Variants in TMPRSS15 observed in about 807,000 individuals in gnomAD.
The protein encoded by TMPRSS15 is transmembrane serine protease 15, also known as enteropeptidase.
Under a neutral mutation model 125.3 loss-of-function variants are expected in TMPRSS15, and 128 were observed. That is an observed-to-expected ratio of 1.02 (90% confidence interval 0.89 to 1.18). The LOEUF is 1.18. TMPRSS15 is among the 50% of genes most tolerant of loss of function. TMPRSS15 has a pLI of 0.00. For missense variants in TMPRSS15, 1,283 were observed against 1,212.7 expected, an observed-to-expected ratio of 1.06 and a Z score of -0.86; for synonymous variants, 446 against 423.2, an observed-to-expected ratio of 1.05 and a Z score of -0.66.
At chr21:18,374,298 C>A (rs2075819380) in intron 5 of TMPRSS15, among the ~76,000 whole-genome samples, 1 of 150,396 alleles carries the variant, frequency 6.6e-6, no homozygotes, top group African/African-American at 2.4e-5. Flanking sequence ...AAGGTGAAAC[C>A]CCGTCTCTAC....
intron 10 of TMPRSS15, among the ~76,000 whole-genome samples, chr21:18,351,709 T>C (rs1369300332): frequency 1.3e-5 from 2 of 152,190 alleles, no homozygotes; most frequent in African/African-American, 4.8e-5. Flanking sequence ...GGTATTTCTT[T>C]ATGGCAGTGT....
rs557838982 is a variant in TMPRSS15 at position 18,284,524 on chromosome 21, G to A, written c.2487-3303C>T. On this transcript the variant is annotated intron_variant, in intron 21 of 24. Transcript: ENST00000284885. ...TTATATACCCAAATCTGAGGGGCAG[G>A]TGAAGACAGCCTTCAGAAAAATCAT... Among the ~76,000 whole-genome samples, 547 of 152,296 alleles carry A rather than the reference G, an allele frequency of 3.6e-3. 9 individuals carry two copies. The highest frequency in any genetic ancestry group is 0.012 in the African/African-American group (517 of 41,558).
At chr21:18,389,060 A>C (rs1344629111) in intron 3 of TMPRSS15, among the ~76,000 whole-genome samples, 2 of 151,726 alleles carry the variant, frequency 1.3e-5, no homozygotes, top group Admixed American at 6.6e-5. Flanking sequence ...ATGATAGATA[A>C]GGAAATAAAG....
Position 18,315,223 on chromosome 21 carries a change from T to C in TMPRSS15, c.1955A>G (p.Asn652Ser). The C allele has an allele frequency of 6.2e-7, 1 of 1,613,800 alleles. No individual in the cohort carries two copies. The highest frequency in any genetic ancestry group is 8.5e-7 in the Non-Finnish European group (1 of 1,179,952). The change falls in exon 17 of 25, where the codon AAT becomes AGT. Residue 652 changes from asparagine to serine, a missense_variant. Coordinates refer to ENST00000284885, the MANE Select transcript of TMPRSS15 (RefSeq NM_002772.3). ...PCKADHFQCK[N>S]GECVPLVNLC... ...ATTCACCAGTGGAACACACTCTCCATTTTTACATTGAAAATGGTCTGCCTT... is the reference window on the plus strand; with the variant it reads ...ATTCACCAGTGGAACACACTCTCCACTTTTACATTGAAAATGGTCTGCCTT...
At chr21:18,334,827 A>C (rs2075376309) in intron 13 of TMPRSS15, among the ~76,000 whole-genome samples, 1 of 152,336 alleles carries the variant, frequency 6.6e-6, no homozygotes, top group African/African-American at 2.4e-5. Flanking sequence ...TCACACTGCC[A>C]TAGGCAGGGT....
At chr21:18,407,416 TG>T (rs2076154842), upstream of TMPRSS15, among the ~76,000 whole-genome samples, 2 of 151,256 alleles carry the variant, frequency 1.3e-5, no homozygotes, top group Admixed American at 1.3e-4. Context: ...AGAAACTTTA[TG>T]TGCTAAACTT....
chr21:18,424,547 C>A (rs1379863641), intron 1 of TMPRSS15, among the ~76,000 whole-genome samples: 1 of 152,154 alleles, frequency 6.6e-6, no homozygotes, highest in African/African-American at 2.4e-5. Context: ...TAAAAGCCAT[C>A]ATGTTGTTTT....
chr21:18,467,081 A>G (rs558142875), intron 1 of TMPRSS15, among the ~76,000 whole-genome samples: 1 of 152,298 alleles, frequency 6.6e-6, no homozygotes, highest in African/African-American at 2.4e-5. Flanking sequence ...ATGCAGCCAT[A>G]AAAAAGGATG....
At chr21:18,391,426 T>A (rs371557055) in intron 3 of TMPRSS15, among the ~76,000 whole-genome samples, 5 of 152,216 alleles carry the variant, frequency 3.3e-5, no homozygotes, top group African/African-American at 7.2e-5. Context: ...ACAGGCCCCA[T>A]GCAACTCCAA....
In TMPRSS15 at chr21:18,355,301, G is replaced by T. The variant is rs114690595; in HGVS notation, c.881-1438C>A. On this transcript the variant is annotated intron_variant, in intron 8 of 24. Coordinates refer to ENST00000284885, the MANE Select transcript of TMPRSS15 (RefSeq NM_002772.3). The stretch of plus-strand genomic sequence containing the variant: ...CCTCTGGCTGGCTTTGAATGTGGTT[G>T]GTGGTTCAACCACACCCTTAGTGTG... Among the ~76,000 whole-genome samples, 892 of 151,774 alleles carry T rather than the reference G, an allele frequency of 5.9e-3. 13 individuals are homozygous for T. Among genetic ancestry groups the T allele is most frequent in the African/African-American group, 0.02 (834 of 41,484 alleles).
intron 6 of TMPRSS15, among the ~76,000 whole-genome samples, chr21:18,371,588 C>T (rs1477014156): frequency 6.6e-6 from 1 of 152,036 alleles, no homozygotes; most frequent in African/African-American, 2.4e-5. Flanking sequence ...CATTAACACT[C>T]AAAAAATGCC....
intron 1 of TMPRSS15, among the ~76,000 whole-genome samples, chr21:18,428,551 G>A (rs1358588733): frequency 1.3e-5 from 2 of 152,110 alleles, no homozygotes; most frequent in Non-Finnish European, 1.5e-5. Context: ...GCAGCTTATG[G>A]ACTTGGTGCT....
chr21:18,381,301 A>T (rs1388718987), intron 4 of TMPRSS15, among the ~76,000 whole-genome samples: 2 of 152,138 alleles, frequency 1.3e-5, no homozygotes, highest in Non-Finnish European at 2.9e-5. Context: ...TTTGTAAATG[A>T]TACATGGTAG....
chr21:18,285,505 T>C (rs1037163992), intron 21 of TMPRSS15, among the ~76,000 whole-genome samples: 2 of 152,218 alleles, frequency 1.3e-5, no homozygotes, highest in Admixed American at 1.3e-4. Flanking sequence ...ACACTGATGT[T>C]TACACCCAGC....
At chr21:18,463,693 T>C (rs1207295172) in intron 1 of TMPRSS15, among the ~76,000 whole-genome samples, 1 of 152,058 alleles carries the variant, frequency 6.6e-6, no homozygotes, top group Admixed American at 6.6e-5. Context: ...AACCACATAA[T>C]TGGAAGTAAA....
intron 1 of TMPRSS15, among the ~76,000 whole-genome samples, chr21:18,478,548 A>C (rs1342805730): frequency 6.6e-6 from 1 of 151,984 alleles, no homozygotes; most frequent in East Asian, 1.9e-4. Context: ...CCAGACATTA[A>C]TTGGATTTCA....
chr21:18,441,091 G>C (rs963859684), intron 1 of TMPRSS15, among the ~76,000 whole-genome samples: 1 of 151,782 alleles, frequency 6.6e-6, no homozygotes, highest in Non-Finnish European at 1.5e-5. Context: ...TCAGGAGTTC[G>C]AGACCAGCCT....
chr21:18,397,898 A>C lies in TMPRSS15; in HGVS notation c.325T>G (p.Ser109Ala). ...SSNLKNEYKN[S>A]RVLQFENGSI... Reference sequence around the variant, plus strand: ...ACTCACTCAAATTGTAAAACTCTTGAGTTCTTATATTCATTCTTCAGATTG... The same window carrying C: ...ACTCACTCAAATTGTAAAACTCTTGCGTTCTTATATTCATTCTTCAGATTG... Residue 109 changes from serine to alanine, a missense_variant, in exon 3 of 25, where the codon TCA (serine) becomes GCA (alanine). Physicochemically the swap from Ser to Ala is moderately conservative, Grantham distance 99. Coordinates refer to ENST00000284885, the MANE Select transcript of TMPRSS15 (RefSeq NM_002772.3). 6.5e-7 allele frequency: 1 copy of C among 1,549,810 alleles called. No homozygotes were observed. Among genetic ancestry groups the C allele is most frequent in the South Asian group, 1.2e-5 (1 of 84,554 alleles).
chr21:18,455,654 C>A (rs148701822), intron 1 of TMPRSS15, among the ~76,000 whole-genome samples: 575 of 152,198 alleles, frequency 3.8e-3, no homozygotes, highest in Non-Finnish European at 6.3e-3. Flanking sequence ...GTCTACTTAC[C>A]CTTCATTCCT....
Sources: allele counts gnomAD v4.1 joint callset (sites outside exome capture counted in the v4.1 genomes callset), GRCh38; gene constraint gnomAD v4.1.1; transcripts MANE v1.5; gene names NCBI Gene and HGNC (gene_info 2026-07-23, HGNC 2026-07-21).